IP6K1: variants seen among roughly 807,000 people sequenced by gnomAD.
IP6K1 encodes ATP:1D-myo-inositol-hexakisphosphate phosphotransferase.
IP6K1 carries 13 observed loss-of-function variants against 38.3 expected under a neutral mutation model. The observed-to-expected ratio is 0.34, with a 90% confidence interval of 0.22 to 0.54. The LOEUF is 0.54. Ranked by LOEUF, IP6K1 falls within the 20% of genes least tolerant of loss-of-function variation. The pLI is 0.92. For synonymous variants in IP6K1, 212 were observed against 229.9 expected, an observed-to-expected ratio of 0.92 and a Z score of 0.70; for missense variants, 397 against 599.8, an observed-to-expected ratio of 0.66 and a Z score of 3.53.
intron 1 of IP6K1, among the ~76,000 whole-genome samples, chr3:49,750,341 G>A (rs982172026): frequency 6.6e-6 from 1 of 152,156 alleles, no homozygotes; most frequent in African/African-American, 2.4e-5. Flanking sequence ...GTCATTGGGT[G>A]GCTGGGAAAA....
intron 1 of IP6K1, among the ~76,000 whole-genome samples, chr3:49,761,505 T>C (rs1241853946): frequency 2.7e-5 from 4 of 150,622 alleles, no homozygotes; most frequent in African/African-American, 9.8e-5. Flanking sequence ...TCCCAGCTAC[T>C]TGAGAGGCTG....
At chr3:49,774,422 A>AAAG (rs1177089418) in intron 1 of IP6K1, among the ~76,000 whole-genome samples, 62 of 150,932 alleles carry the variant, frequency 4.1e-4, no homozygotes, top group Non-Finnish European at 7.7e-4. Context: ...AAAAAAAAAA[A>AAAG]AAAAAAAGAA....
chr3:49,758,963 C>G lies in IP6K1; in HGVS notation c.-128-10795G>C, dbSNP rs892488454. ...CTCTGTCTCAAAAAAAAAAAATACC[C>G]AACAGTTTCTTTGGGTTGAATTTCC... On this transcript the variant is annotated intron_variant, in intron 1 of 5. Transcript: ENST00000321599. Among the ~76,000 whole-genome samples, 4 of 149,606 alleles carry G rather than the reference C, an allele frequency of 2.7e-5. No individual in the cohort carries two copies. The Admixed American group carries it at 2.7e-4, about 10-fold the overall frequency.
Position 49,782,764 on chromosome 3 carries a change from T to C in IP6K1, c.-129+3590A>G, listed in dbSNP as rs982488306. Among the ~76,000 whole-genome samples, 4 of 151,172 alleles carry C rather than the reference T, an allele frequency of 2.6e-5. No individual in the cohort carries two copies. In the East Asian group the frequency reaches 5.9e-4, roughly 22 times the overall value. On this transcript the variant is annotated intron_variant, in intron 1 of 5. Transcript: ENST00000321599. Reference sequence around the variant, plus strand: ...AGTTGGAGGCTGCAGTGAGCTACAATTGTGTCACTACACTCCAGCCTAGGA... The same window carrying C: ...AGTTGGAGGCTGCAGTGAGCTACAACTGTGTCACTACACTCCAGCCTAGGA...
chr3:49,740,463 C>T (rs1429517647), intron 2 of IP6K1, among the ~76,000 whole-genome samples: 1 of 152,136 alleles, frequency 6.6e-6, no homozygotes, highest in Non-Finnish European at 1.5e-5. Context: ...AAATGTTTTT[C>T]ATCACCTGAA....
intron 1 of IP6K1, among the ~76,000 whole-genome samples, chr3:49,766,538 C>A (rs1402161884): frequency 2.0e-5 from 3 of 150,374 alleles, no homozygotes; most frequent in Non-Finnish European, 4.4e-5. Context: ...GTGGTGGGCA[C>A]CTGTAATCCC....
chr3:49,750,236 C>T (rs868182279), intron 1 of IP6K1, among the ~76,000 whole-genome samples: 16 of 152,140 alleles, frequency 1.1e-4, no homozygotes, highest in East Asian at 5.8e-4. Flanking sequence ...GCCCTGGCCC[C>T]GGTCAGGCTG....
At chr3:49,773,980 A>AACACACACAC (rs10575617) in intron 1 of IP6K1, among the ~76,000 whole-genome samples, 46 of 142,260 alleles carry the variant, frequency 3.2e-4, no homozygotes, top group African/African-American at 8.0e-4. Context: ...CTCTCTCTAA[A>AACACACACAC]ACACACACAC....
At chr3:49,732,406 C>A (rs1043305945) in intron 4 of IP6K1, among the ~76,000 whole-genome samples, 1 of 152,114 alleles carries the variant, frequency 6.6e-6, no homozygotes, top group Admixed American at 6.5e-5. Context: ...CAATATAGTA[C>A]CACTAGCCAC....
At chr3:49,773,335 G>A (rs921368983) in intron 1 of IP6K1, among the ~76,000 whole-genome samples, 7 of 152,192 alleles carry the variant, frequency 4.6e-5, no homozygotes, top group Non-Finnish European at 1.0e-4. Flanking sequence ...TACTGGCCGG[G>A]CGCGGTGGCT....
At chr3:49,751,259 G>A (rs1437269968) in intron 1 of IP6K1, among the ~76,000 whole-genome samples, 2 of 152,100 alleles carry the variant, frequency 1.3e-5, no homozygotes, top group Admixed American at 6.6e-5. Context: ...GGGTTCAAGC[G>A]ATTCTCGTGC....
chr3:49,727,992 T>A lies in IP6K1; in HGVS notation c.792+111A>T. ...TGAGGCCCATATCAAAGTCAACAGG[T>A]AAGGACAGAGGGGCTCAGGAGGACA... On this transcript the variant is annotated intron_variant, in intron 5 of 5. Coordinates refer to ENST00000321599, the MANE Select transcript of IP6K1 (RefSeq NM_153273.4). This position sits in a 1 kb window ranked among gnomAD's most constrained non-coding sequence, Gnocchi z 5.9. 1 of 1,111,896 alleles carries A rather than the reference T, an allele frequency of 9.0e-7. No individual in the cohort carries two copies. Among genetic ancestry groups the A allele is most frequent in the South Asian group, 1.4e-5 (1 of 70,730 alleles). 68.9% of individuals were successfully genotyped at this position (1,111,896 alleles called of 1,614,324 possible). A position where few individuals can be genotyped will look rare whatever the true frequency, so the allele number is the denominator to read the frequency against.
chr3:49,761,264 G>A (rs1163377824), intron 1 of IP6K1, among the ~76,000 whole-genome samples: 1 of 149,692 alleles, frequency 6.7e-6, no homozygotes, highest in African/African-American at 2.5e-5. Flanking sequence ...GCAGTGAGCG[G>A]AGATCGTGCC....
intron 1 of IP6K1, among the ~76,000 whole-genome samples, chr3:49,771,833 A>G (rs2080962368): frequency 6.6e-6 from 1 of 152,214 alleles, no homozygotes. Flanking sequence ...TGTTAATGCA[A>G]TGAAATACTA....
At chr3:49,740,729 C>T (rs1301486479) in intron 2 of IP6K1, among the ~76,000 whole-genome samples, 1 of 152,056 alleles carries the variant, frequency 6.6e-6, no homozygotes, top group East Asian at 1.9e-4. Flanking sequence ...AAGTATATAT[C>T]ACATCTGTTA....
Position 49,727,769 on chromosome 3 carries a change from CCTAT to C in IP6K1, c.793-118_793-115del, listed in dbSNP as rs1372167356. On this transcript the variant is annotated intron_variant, in intron 5 of 5. Transcript: ENST00000321599. This position sits in a 1 kb window ranked among gnomAD's most constrained non-coding sequence, Gnocchi z 5.9. ...TGACCAACCTGAGCTTTTCTGCTCA[CCTAT>C]CTAAGTGGAACCAGGCAGGCCACAT... 6 of 1,097,474 alleles carry C rather than the reference CCTAT, an allele frequency of 5.5e-6. No individual in the cohort carries two copies. The highest frequency in any genetic ancestry group is 1.6e-5 in the African/African-American group (1 of 62,856). 68.0% of individuals were successfully genotyped at this position (1,097,474 alleles called of 1,614,324 possible).
chr3:49,764,744 T>C (rs1234526564), intron 1 of IP6K1, among the ~76,000 whole-genome samples: 2 of 151,996 alleles, frequency 1.3e-5, no homozygotes, highest in African/African-American at 2.4e-5. Flanking sequence ...CCTGGCGTGG[T>C]AGTGCACACC....
At chr3:49,753,901 T>C (rs2108243004) in intron 1 of IP6K1, among the ~76,000 whole-genome samples, 1 of 152,188 alleles carries the variant, frequency 6.6e-6, no homozygotes, top group East Asian at 1.9e-4. Flanking sequence ...GAAAAATAGG[T>C]TTAAATGCAC....
At position 49,727,573 on chromosome 3, in the gene IP6K1, G is replaced by C; in HGVS notation, c.875C>G (p.Ala292Gly). The change falls in exon 6 of 6, where the codon GCC (alanine) becomes GGC (glycine). Residue 292 changes from alanine (A) to glycine (G), a missense_variant. Ala to Gly is a moderately conservative substitution (Grantham distance 60). This residue lies in a region of IP6K1 where 164 missense variants were observed against 213.5 expected (regional missense o/e 0.77). Coordinates refer to ENST00000321599, the MANE Select transcript of IP6K1 (RefSeq NM_153273.4). The surrounding 1 kb of genome is among the most constrained non-coding windows in gnomAD (Gnocchi z 5.9). Reference sequence around the variant, plus strand: ...GCCATTGTGCAGATATTGATAGAGGGCATTGCGGAAGCCTTCAATGGAGAG... The same window carrying C: ...GCCATTGTGCAGATATTGATAGAGGCCATTGCGGAAGCCTTCAATGGAGAG... ...RGLSIEGFRN[A>G]LYQYLHNGLD... 1 of 1,614,186 alleles carries C rather than the reference G, an allele frequency of 6.2e-7. No homozygotes were observed. Among genetic ancestry groups the C allele is most frequent in the Non-Finnish European group, 8.5e-7 (1 of 1,180,024 alleles).
Sources: allele counts gnomAD v4.1 joint callset (sites outside exome capture counted in the v4.1 genomes callset), GRCh38; gene constraint gnomAD v4.1.1; regional missense constraint gnomAD v4.1.1; non-coding constraint Gnocchi (gnomAD v3.1); transcripts MANE v1.5; gene names NCBI Gene and HGNC (gene_info 2026-07-23, HGNC 2026-07-21).